ESRRG: variants seen among roughly 807,000 people sequenced by gnomAD.
The protein encoded by ESRRG is estrogen related receptor gamma.
Under a neutral mutation model 44.0 loss-of-function variants are expected in ESRRG, and 13 were observed. The observed-to-expected ratio is 0.30, with a 90% CI of 0.19 to 0.47. The LOEUF (loss-of-function observed/expected upper bound fraction) is 0.47, where lower values mean the gene tolerates loss of function less well. Ranked by LOEUF, ESRRG falls within the 20% of genes least tolerant of loss-of-function variation. The pLI is 1.00. For synonymous variants in ESRRG, 215 were observed against 214.6 expected, an observed-to-expected ratio of 1.00 and a Z score of -0.02; for missense variants, 395 against 580.6, an observed-to-expected ratio of 0.68 and a Z score of 3.29.
chr1:216,657,211 A>G (rs1300317804), intron 2 of ESRRG, among the ~76,000 whole-genome samples: 1 of 152,104 alleles, frequency 6.6e-6, no homozygotes, highest in African/African-American at 2.4e-5. Flanking sequence ...GCTGAGATTC[A>G]TATTATGGAA....
At chr1:216,868,418 G>T (rs12048391) in intron 2 of ESRRG, among the ~76,000 whole-genome samples, 1 of 152,062 alleles carries the variant, frequency 6.6e-6, no homozygotes, top group African/African-American at 2.4e-5. Flanking sequence ...TTATTGCTGA[G>T]TAGTGTTTCA....
intron 3 of ESRRG, among the ~76,000 whole-genome samples, chr1:216,571,963 T>C (rs2060886840): frequency 6.6e-6 from 1 of 152,148 alleles, no homozygotes; most frequent in Non-Finnish European, 1.5e-5. Flanking sequence ...GCCAATATAT[T>C]TTAAAGGATC....
rs376701865 is a variant in ESRRG at position 216,516,668 on chromosome 1, C to CACACACACACACAGAGAGAGAGAG, written c.1132+2483_1132+2484insCTCTCTCTCTCTGTGTGTGTGTGT. Among the ~76,000 whole-genome samples the CACACACACACACAGAGAGAGAGAG allele has an allele frequency of 1.2e-3, 169 of 137,232 alleles. 1 individual carries two copies. The highest frequency in any genetic ancestry group is 4.9e-3 in the African/African-American group (166 of 34,052). 90.0% of individuals were successfully genotyped at this position (137,232 alleles called of 152,430 possible). A position where few individuals can be genotyped will look rare whatever the true frequency, so the allele number is the denominator to read the frequency against. ...ACACACACACACACACACACACACA[C>CACACACACACACAGAGAGAGAGAG]AGAGAGAGAGAGAGAAACGACAAAA... On this transcript the variant is annotated intron_variant, in intron 6 of 6. Coordinates refer to ENST00000408911, the MANE Select transcript of ESRRG (RefSeq NM_001438.4).
intron 1 of ESRRG, among the ~76,000 whole-genome samples, chr1:216,714,075 C>T (rs1225907926): frequency 6.6e-6 from 1 of 152,138 alleles, no homozygotes; most frequent in Non-Finnish European, 1.5e-5. Context: ...TTCCAGTTTA[C>T]CATAGGTTTT....
intron 2 of ESRRG, among the ~76,000 whole-genome samples, chr1:216,887,345 AATTT>A (rs1487890848): frequency 6.6e-6 from 1 of 152,212 alleles, no homozygotes; most frequent in Non-Finnish European, 1.5e-5. Context: ...ATAGCTTTTT[AATTT>A]CATGGAACTG....
Position 216,677,420 on chromosome 1 carries a change from G to A in ESRRG, c.128C>T (p.Pro43Leu), listed in dbSNP as rs771833321. The A allele has an allele frequency of 6.2e-7, 1 of 1,614,142 alleles. No individual in the cohort carries two copies. Among genetic ancestry groups the A allele is most frequent in the Non-Finnish European group, 8.5e-7 (1 of 1,180,024 alleles). ...SSCSSFIKTE[P>L]SSPASLTDSV... Reference sequence around the variant, plus strand: ...GTCCGTCAGGGAGGCTGGGCTGGAAGGTTCCGTCTTGATGAAGGACGAACA... The same window carrying A: ...GTCCGTCAGGGAGGCTGGGCTGGAAAGTTCCGTCTTGATGAAGGACGAACA... The change falls in exon 2 of 7, where the codon CCT becomes CTT. Residue 43 changes from proline (P) to leucine (L), a missense_variant. By Grantham distance (98) the Pro-to-Leu change is moderately conservative (BLOSUM62 -3). This residue lies in a region of ESRRG where 148 missense variants were observed against 150.4 expected (regional missense o/e 0.98). Coordinates refer to ENST00000408911, the MANE Select transcript of ESRRG (RefSeq NM_001438.4).
intron 6 of ESRRG, among the ~76,000 whole-genome samples, chr1:216,516,471 C>T (rs1355210137): frequency 6.6e-6 from 1 of 151,928 alleles, no homozygotes; most frequent in South Asian, 2.1e-4. Context: ...GAATAAAGAC[C>T]AATGTTTAAA....
intron 2 of ESRRG, among the ~76,000 whole-genome samples, chr1:216,754,704 T>A (rs1046212739): frequency 1.1e-4 from 9 of 81,892 alleles, no homozygotes; most frequent in African/African-American, 8.2e-4. Context: ...AGAAAGAACT[T>A]TTTTTTTTTT....
chr1:216,865,801 A>G (rs2149148542), intron 2 of ESRRG, among the ~76,000 whole-genome samples: 1 of 152,310 alleles, frequency 6.6e-6, no homozygotes, highest in South Asian at 2.1e-4. Context: ...ATCAGAACTA[A>G]AGTTTTCTTT....
intron 2 of ESRRG, among the ~76,000 whole-genome samples, chr1:216,661,265 A>G (rs941693391): frequency 7.9e-5 from 12 of 152,178 alleles, no homozygotes. Flanking sequence ...AAGAGCTTAA[A>G]GGTGACCACT....
At chr1:216,744,308 A>C (rs2091121661) in intron 2 of ESRRG, among the ~76,000 whole-genome samples, 1 of 152,218 alleles carries the variant, frequency 6.6e-6, no homozygotes, top group Non-Finnish European at 1.5e-5. Context: ...TGTTGTTAGC[A>C]CTGCACTAGG....
chr1:217,105,020 T>A (rs1032347501), intron 1 of ESRRG, among the ~76,000 whole-genome samples: 1 of 152,264 alleles, frequency 6.6e-6, no homozygotes. Context: ...CAAGATTCCA[T>A]CTATTACCTA....
intron 2 of ESRRG, among the ~76,000 whole-genome samples, chr1:216,901,699 T>G (rs542631067): frequency 3.3e-5 from 5 of 152,274 alleles, no homozygotes; most frequent in African/African-American, 9.6e-5. Flanking sequence ...TTTACCTGCA[T>G]TCTCTTTGGC....
chr1:217,025,365 T>G (rs79381533), intron 1 of ESRRG, among the ~76,000 whole-genome samples: 2 of 150,644 alleles, frequency 1.3e-5, no homozygotes, highest in Non-Finnish European at 3.0e-5. Flanking sequence ...AAAAAAAAAG[T>G]AATGGTTTGA....
chr1:217,057,242 T>A (rs552038494), intron 1 of ESRRG, among the ~76,000 whole-genome samples: 5 of 152,278 alleles, frequency 3.3e-5, no homozygotes, highest in African/African-American at 1.2e-4. Context: ...ACCATATTTT[T>A]AAAATGCTAC....
At chr1:217,041,696 A>G (rs965236888) in intron 1 of ESRRG, among the ~76,000 whole-genome samples, 6 of 152,242 alleles carry the variant, frequency 3.9e-5, no homozygotes, top group Admixed American at 2.6e-4. Context: ...GAGAGTAAAC[A>G]GGCATCTGAC....
At chr1:216,875,181 T>C (rs1165394284) in intron 2 of ESRRG, among the ~76,000 whole-genome samples, 6 of 152,160 alleles carry the variant, frequency 3.9e-5, no homozygotes, top group Non-Finnish European at 7.3e-5. Context: ...AGAACCCTAA[T>C]ACGAGCCCTG....
intron 1 of ESRRG, among the ~76,000 whole-genome samples, chr1:216,992,176 A>AC (rs1378477259): frequency 6.6e-6 from 1 of 152,180 alleles, no homozygotes; most frequent in Admixed American, 6.5e-5. Flanking sequence ...CACAGTGCTT[A>AC]AGCTTCCAAG....
intron 2 of ESRRG, among the ~76,000 whole-genome samples, chr1:216,672,150 C>T (rs1404093158): frequency 6.6e-6 from 1 of 152,054 alleles, no homozygotes; most frequent in Non-Finnish European, 1.5e-5. Context: ...ATATCACATC[C>T]CCAAAATTAC....
Sources: gnomAD v4.1 joint callset for allele counts (sites outside exome capture counted in the v4.1 genomes callset) on GRCh38, gnomAD v4.1.1 for gene constraint, gnomAD v4.1.1 regional missense constraint, MANE v1.5 for transcripts, NCBI Gene and HGNC (gene_info 2026-07-23, HGNC 2026-07-21) for gene names.